LYPLAL1: variants seen among roughly 807,000 people sequenced by gnomAD.
The protein encoded by LYPLAL1 is lysophospholipase like 1.
LYPLAL1 carries 23 observed loss-of-function variants against 19.7 expected under a neutral mutation model. That is an observed-to-expected ratio of 1.17 (90% CI 0.84 to 1.65). The LOEUF (loss-of-function observed/expected upper bound fraction) is 1.65, where lower values mean the gene tolerates loss of function less well. Ranked by LOEUF, LYPLAL1 falls within the 40% of genes most tolerant of loss-of-function variation. The pLI, the probability that LYPLAL1 is intolerant of heterozygous loss-of-function variation, is 0.00. For missense variants in LYPLAL1, 355 were observed against 279.4 expected (o/e 1.27, Z -1.93); for synonymous variants, 119 against 96.3 (o/e 1.24, Z -1.38).
At chr1:219,395,194 C>A in the LYPLAL1 span, among the ~76,000 whole-genome samples, 31,207 of 152,102 alleles carry the variant, frequency 0.21, 3,415 homozygotes, top group African/African-American at 0.28. Context: ...TTTGAGAAAT[C>A]GCCAAATTGT....
chr1:219,177,293 T>C (rs1655895415), intron 1 of LYPLAL1, among the ~76,000 whole-genome samples: 1 of 152,130 alleles, frequency 6.6e-6, no homozygotes, highest in South Asian at 2.1e-4. Context: ...CTGCAAAAAG[T>C]CAGGTAAGCA....
chr1:219,356,052 C>T, the LYPLAL1 span, among the ~76,000 whole-genome samples: 1 of 151,932 alleles, frequency 6.6e-6, no homozygotes, highest in Non-Finnish European at 1.5e-5. Flanking sequence ...TTGTATCTGT[C>T]GTATTTACCC....
the LYPLAL1 span, among the ~76,000 whole-genome samples, chr1:219,376,684 G>A: frequency 5.9e-5 from 9 of 152,100 alleles, no homozygotes; most frequent in East Asian, 3.8e-4. Flanking sequence ...AAAAATACAT[G>A]CAAATTGTCA....
At chr1:219,370,777 G>A in the LYPLAL1 span, among the ~76,000 whole-genome samples, 1,748 of 152,276 alleles carry the variant, frequency 0.011, 34 homozygotes, top group African/African-American at 0.04. Flanking sequence ...TGCCCTGGCA[G>A]TCTTTCTGGG....
the LYPLAL1 span, among the ~76,000 whole-genome samples, chr1:219,413,267 A>C: frequency 2.0e-5 from 3 of 152,206 alleles, no homozygotes; most frequent in Admixed American, 2.0e-4. Context: ...AAAGGAAATT[A>C]AATTGCCATA....
chr1:219,263,374 G>C, the LYPLAL1 span, among the ~76,000 whole-genome samples: 16 of 152,134 alleles, frequency 1.1e-4, no homozygotes, highest in African/African-American at 3.6e-4. Context: ...TTTATATCCA[G>C]GCAGCCTGCA....
chr1:219,387,201 C>G, the LYPLAL1 span, among the ~76,000 whole-genome samples: 2 of 152,164 alleles, frequency 1.3e-5, 1 homozygote, highest in South Asian at 4.1e-4. Context: ...CTGCTCCTGC[C>G]TGGCATGCTC....
At chr1:219,271,340 G>A in the LYPLAL1 span, 2 of 151,616 alleles carry the variant, frequency 1.3e-5, no homozygotes, top group Non-Finnish European at 2.9e-5. Context: ...CACAGCACAA[G>A]TGGGAATTAA....
At chr1:219,436,780 A>G in the LYPLAL1 span, among the ~76,000 whole-genome samples, 2 of 152,190 alleles carry the variant, frequency 1.3e-5, no homozygotes, top group Non-Finnish European at 2.9e-5. Context: ...ATTAGTAAAG[A>G]TCACATTCTG....
the LYPLAL1 span, among the ~76,000 whole-genome samples, chr1:219,418,297 C>G: frequency 6.6e-6 from 1 of 152,130 alleles, no homozygotes; most frequent in African/African-American, 2.4e-5. Context: ...TTGGACAACT[C>G]TCATTCACAA....
At chr1:219,180,425 T>G (rs967490341) in intron 2 of LYPLAL1, among the ~76,000 whole-genome samples, 18 of 151,826 alleles carry the variant, frequency 1.2e-4, no homozygotes, top group African/African-American at 4.3e-4. Context: ...TTACTTTAAT[T>G]GATAGAATTG....
At chr1:219,291,045 A>C in the LYPLAL1 span, among the ~76,000 whole-genome samples, 1 of 152,224 alleles carries the variant, frequency 6.6e-6, no homozygotes, top group African/African-American at 2.4e-5. Context: ...TAGGGAATTA[A>C]TAGCACCCAC....
chr1:219,241,824 G>A, the LYPLAL1 span, among the ~76,000 whole-genome samples: 1 of 152,276 alleles, frequency 6.6e-6, no homozygotes, highest in African/African-American at 2.4e-5. Context: ...TTTTAGCTAG[G>A]AAGTGAGGAA....
the LYPLAL1 span, among the ~76,000 whole-genome samples, chr1:219,371,352 A>C: frequency 2.2e-4 from 33 of 152,330 alleles, no homozygotes; most frequent in Middle Eastern, 6.8e-3. Flanking sequence ...AGATAATCAT[A>C]TCAAAGGAAG....
the LYPLAL1 span, among the ~76,000 whole-genome samples, chr1:219,334,152 T>C: frequency 5.3e-5 from 8 of 151,984 alleles, no homozygotes; most frequent in Non-Finnish European, 1.0e-4. Flanking sequence ...TTTGAAAACA[T>C]TACTATAATA....
At chr1:219,440,096 TCTCA>T in the LYPLAL1 span, among the ~76,000 whole-genome samples, 2 of 148,854 alleles carry the variant, frequency 1.3e-5, no homozygotes, top group African/African-American at 4.9e-5. Context: ...ACACACACAC[TCTCA>T]CTCTCTTTTC....
the LYPLAL1 span, among the ~76,000 whole-genome samples, chr1:219,379,652 C>A: frequency 6.6e-6 from 1 of 152,102 alleles, no homozygotes; most frequent in African/African-American, 2.4e-5. Context: ...GCAGTGATTT[C>A]TATGTCTTAG....
the LYPLAL1 span, among the ~76,000 whole-genome samples, chr1:219,324,582 T>C: frequency 3.3e-5 from 5 of 152,182 alleles, no homozygotes; most frequent in African/African-American, 9.7e-5. Context: ...TTACATAGCA[T>C]GTTTTGTATT....
At chr1:219,419,235 A>C in the LYPLAL1 span, among the ~76,000 whole-genome samples, 1 of 152,188 alleles carries the variant, frequency 6.6e-6, no homozygotes, top group East Asian at 1.9e-4. Context: ...AGAAACTGCC[A>C]AACCATCTTC....
Sources: allele counts gnomAD v4.1 joint callset (sites outside exome capture counted in the v4.1 genomes callset), GRCh38; gene constraint gnomAD v4.1.1; transcripts MANE v1.5; gene names NCBI Gene and HGNC (gene_info 2026-07-23, HGNC 2026-07-21).